GABRG2: variants seen among roughly 807,000 people sequenced by gnomAD.
GABRG2 encodes gamma-aminobutyric acid type A receptor subunit gamma2.
In GABRG2, 16 loss-of-function variants were observed where a neutral mutation model predicts 56.4. The observed-to-expected ratio is 0.28, with a 90% confidence interval of 0.19 to 0.43. The LOEUF (loss-of-function observed/expected upper bound fraction) is 0.43. Among genes scored for constraint, GABRG2 ranks in the 20% least tolerant of loss-of-function variants. GABRG2 has a pLI of 1.00. For synonymous variants in GABRG2, 208 were observed against 205.5 expected (o/e 1.01, Z -0.10); for missense variants, 327 against 582.7 (o/e 0.56, Z 4.52).
chr5:162,108,290 T>A (rs1761980972), intron 6 of GABRG2, among the ~76,000 whole-genome samples: 1 of 152,170 alleles, frequency 6.6e-6, no homozygotes, highest in Admixed American at 6.6e-5. Flanking sequence ...TTCAGTAGGT[T>A]CAATTGAGCA....
intron 6 of GABRG2, among the ~76,000 whole-genome samples, chr5:162,112,761 G>A (rs1762341615): frequency 6.6e-6 from 1 of 152,064 alleles, no homozygotes; most frequent in Admixed American, 6.6e-5. Flanking sequence ...GGGCTGACTA[G>A]AGTTTATTTA....
At chr5:162,112,705 T>A (rs1355930428) in intron 6 of GABRG2, among the ~76,000 whole-genome samples, 1 of 152,174 alleles carries the variant, frequency 6.6e-6, no homozygotes. Context: ...CACAACATTG[T>A]GTTGCACAAC....
At chr5:162,116,788 C>T (rs1215627207) in intron 6 of GABRG2, among the ~76,000 whole-genome samples, 1 of 150,594 alleles carries the variant, frequency 6.6e-6, no homozygotes, top group Non-Finnish European at 1.5e-5. Context: ...GTGGGGCAGG[C>T]AATACTCTGT....
chr5:162,096,079 A>T (rs1168036930), intron 3 of GABRG2, among the ~76,000 whole-genome samples: 1 of 151,972 alleles, frequency 6.6e-6, no homozygotes, highest in African/African-American at 2.4e-5. Context: ...ACATAAGGTA[A>T]TATAGTATTC....
intron 9 of GABRG2, chr5:162,152,453 CCTT>C (rs759206643): frequency 3.5e-5 from 17 of 481,712 alleles, no homozygotes; most frequent in South Asian, 2.5e-4. Context: ...CAAGTAGTAA[CCTT>C]CTTTTCTCAA....
At chr5:162,127,310 C>T (rs1763404413) in intron 6 of GABRG2, among the ~76,000 whole-genome samples, 1 of 151,550 alleles carries the variant, frequency 6.6e-6, no homozygotes, top group Non-Finnish European at 1.5e-5. Flanking sequence ...TGGCATTTCC[C>T]CAAAATTAAA....
chr5:162,134,907 C>T (rs1386535335), intron 6 of GABRG2, among the ~76,000 whole-genome samples: 3 of 152,094 alleles, frequency 2.0e-5, no homozygotes, highest in East Asian at 3.9e-4. Context: ...CTCCTGCCCT[C>T]GGTGGATATT....
At position 162,089,274 on chromosome 5, in the gene GABRG2, G is replaced by C. The variant is rs989930056; in HGVS notation, c.108-4554G>C. Among the ~76,000 whole-genome samples, 2 of 152,088 alleles carry C rather than the reference G, an allele frequency of 1.3e-5. 1 individual carries two copies. The highest frequency in any genetic ancestry group is 4.1e-4 in the South Asian group (2 of 4,832). ...GGTAACATGATGATGTACGGAACAA[G>C]AAATTCCTGTATTAATGATACTTTT... On this transcript the variant is annotated intron_variant, in intron 1 of 9. Coordinates refer to ENST00000639213, the MANE Select transcript of GABRG2 (RefSeq NM_198904.4).
chr5:162,078,369 C>CTATATATATATATATATATATATA (rs774147866), intron 1 of GABRG2, among the ~76,000 whole-genome samples: 1 of 53,876 alleles, frequency 1.9e-5, no homozygotes, highest in African/African-American at 8.1e-5. Flanking sequence ...GAGCATCTTA[C>CTATATATATATATATATATATATA]TATATATATA....
chr5:162,146,874 A>T (rs1764988691), intron 7 of GABRG2, among the ~76,000 whole-genome samples: 2 of 152,230 alleles, frequency 1.3e-5, no homozygotes, highest in Non-Finnish European at 2.9e-5. Context: ...CATAACAAGT[A>T]CGTATTTAGG....
chr5:162,128,859 T>C (rs1329771416), intron 6 of GABRG2, among the ~76,000 whole-genome samples: 1 of 151,970 alleles, frequency 6.6e-6, no homozygotes, highest in Non-Finnish European at 1.5e-5. Flanking sequence ...ATTTTTAAAT[T>C]AAGAATCAAG....
At chr5:162,138,238 G>C (rs145678543) in intron 6 of GABRG2, among the ~76,000 whole-genome samples, 1 of 151,908 alleles carries the variant, frequency 6.6e-6, no homozygotes, top group East Asian at 1.9e-4. Flanking sequence ...TTGGATCTTT[G>C]TTCCATCTTA....
chr5:162,113,022 G>A (rs908412356), intron 6 of GABRG2, among the ~76,000 whole-genome samples: 1 of 151,792 alleles, frequency 6.6e-6, no homozygotes, highest in Non-Finnish European at 1.5e-5. Flanking sequence ...GTGAGATCTC[G>A]ACTCATGCAA....
At chr5:162,110,596 A>C (rs781584957) in intron 6 of GABRG2, among the ~76,000 whole-genome samples, 1 of 152,044 alleles carries the variant, frequency 6.6e-6, no homozygotes, top group African/African-American at 2.4e-5. Flanking sequence ...GCTACAAGTT[A>C]ATGGTACTTT....
chr5:162,092,212 G>T (rs1390986101), intron 1 of GABRG2, among the ~76,000 whole-genome samples: 2 of 151,984 alleles, frequency 1.3e-5, no homozygotes, highest in Non-Finnish European at 1.5e-5. Context: ...CTTGCGTGGA[G>T]GCTTTTCTCT....
chr5:162,119,278 A>G (rs1762828568), intron 6 of GABRG2, among the ~76,000 whole-genome samples: 1 of 152,154 alleles, frequency 6.6e-6, no homozygotes, highest in Non-Finnish European at 1.5e-5. Context: ...TGAGAGAAAC[A>G]AATGCTTATT....
chr5:162,078,962 T>C (rs1759425251), intron 1 of GABRG2, among the ~76,000 whole-genome samples: 1 of 150,570 alleles, frequency 6.6e-6, no homozygotes. Flanking sequence ...AAAAAATCTT[T>C]TATATATTAA....
At chr5:162,143,867 C>A (rs887652833) in intron 7 of GABRG2, among the ~76,000 whole-genome samples, 1 of 152,120 alleles carries the variant, frequency 6.6e-6, no homozygotes, top group African/African-American at 2.4e-5. Flanking sequence ...ATGGTCTGTA[C>A]TAAGTTATTA....
intron 6 of GABRG2, among the ~76,000 whole-genome samples, chr5:162,114,479 G>A (rs541796063): frequency 9.9e-5 from 15 of 152,162 alleles, no homozygotes; most frequent in Non-Finnish European, 1.8e-4. Flanking sequence ...AGAGGTTGTG[G>A]TGAGCCGAGA....
Sources: gnomAD v4.1 joint callset for allele counts (sites outside exome capture counted in the v4.1 genomes callset) on GRCh38, gnomAD v4.1.1 for gene constraint, MANE v1.5 for transcripts, NCBI Gene and HGNC (gene_info 2026-07-23, HGNC 2026-07-21) for gene names.